Variants in ACADM observed in about 807,000 individuals in gnomAD.
The protein encoded by ACADM is acyl-CoA dehydrogenase medium chain, also known as medium-chain specific acyl-CoA dehydrogenase, mitochondrial.
ACADM carries 49 observed loss-of-function variants against 58.9 expected under a neutral mutation model. The observed-to-expected ratio is 0.83, with a 90% CI of 0.66 to 1.06. The LOEUF (loss-of-function observed/expected upper bound fraction) is 1.06, where lower values mean the gene tolerates loss of function less well. Among genes scored for constraint, ACADM ranks in the 50% least tolerant of loss-of-function variants. The pLI is 0.00. For missense variants in ACADM, 496 were observed against 507.0 expected, an observed-to-expected ratio of 0.98 and a Z score of 0.21; for synonymous variants, 160 against 157.7, an observed-to-expected ratio of 1.01 and a Z score of -0.11.
intron 10 of ACADM, among the ~76,000 whole-genome samples, chr1:75,758,626 CTCTG>C (rs35292350): frequency 0.22 from 33,775 of 151,974 alleles, 5,130 homozygotes; most frequent in East Asian, 0.68. Flanking sequence ...AATCAGCACT[CTCTG>C]TCTAGCTAAA....
intron 3 of ACADM, 56 bp downstream of exon 3, chr1:75,732,797 G>C: frequency 1.9e-6 from 3 of 1,603,976 alleles, no homozygotes; most frequent in Non-Finnish European, 2.6e-6. Flanking sequence ...ACAAGATTAT[G>C]TAATCAAACT....
intron 2 of ACADM, among the ~76,000 whole-genome samples, chr1:75,730,258 T>C (rs1282068592): frequency 1.3e-5 from 2 of 152,172 alleles, no homozygotes; most frequent in African/African-American, 4.8e-5. Flanking sequence ...TTTAAATTTC[T>C]CTCTCAGTAG....
At chr1:75,737,278 A>AC (rs1557448231) in intron 6 of ACADM, among the ~76,000 whole-genome samples, 1 of 78,904 alleles carries the variant, frequency 1.3e-5, no homozygotes, top group Non-Finnish European at 2.2e-5. Flanking sequence ...ACACACACAC[A>AC]AATATATATA....
chr1:75,737,279 AAT>A (rs368688785), intron 6 of ACADM, among the ~76,000 whole-genome samples: 4,628 of 41,716 alleles, frequency 0.11, 245 homozygotes, highest in Non-Finnish European at 0.13. Context: ...CACACACACA[AAT>A]ATATATATAT....
Position 75,740,156 on chromosome 1 carries a change from A to G in ACADM, c.599+46A>G, listed in dbSNP as rs1439716562. ...TTGTATATTTTTTCTTAATTGTTTT[A>G]TCTTCAAATCTCTCTTTCTTTCTGT... On this transcript the variant is annotated intron_variant, in intron 7 of 11. Coordinates refer to ENST00000370841, the MANE Select transcript of ACADM (RefSeq NM_000016.6). 3 of 1,536,704 alleles carry G rather than the reference A, an allele frequency of 2.0e-6. No individual in the cohort carries two copies. The East Asian group carries it at 6.9e-5, about 36-fold the overall frequency.
Position 75,724,735 on chromosome 1 carries a change from G to T in ACADM, c.-53G>T. 3 of 1,543,312 alleles carry T rather than the reference G, an allele frequency of 1.9e-6. No individual in the cohort carries two copies. Among genetic ancestry groups the T allele is most frequent in the Non-Finnish European group, 2.6e-6 (3 of 1,145,244 alleles). ...GAGGAGTCCCGCGTTCGGGGAGTAT[G>T]TCAAGGCCGTGACCCGTGTATTATT... is the stretch of plus-strand genomic sequence containing the variant. On this transcript the variant is annotated 5_prime_UTR_variant, in exon 1 of 12. It removes an upstream start codon present in the reference 5' UTR. Coordinates refer to ENST00000370841, the MANE Select transcript of ACADM (RefSeq NM_000016.6).
Position 75,753,126 on chromosome 1 carries a change from C to T in ACADM, c.945+2580C>T, listed in dbSNP as rs575849574. 2.1e-3 allele frequency among the ~76,000 whole-genome samples: 313 copies of T among 152,220 alleles called. 2 individuals are homozygous for T. Among genetic ancestry groups the T allele is most frequent in the African/African-American group, 7.0e-3 (292 of 41,534 alleles). On this transcript the variant is annotated intron_variant, in intron 10 of 11. Transcript: ENST00000370841. ...TTTTTCTTGTTCTTTTTTTAACCCTCCTGGGCAAGAGATCAGCTTCTTTGT... is the reference window on the plus strand; with the variant it reads ...TTTTTCTTGTTCTTTTTTTAACCCTTCTGGGCAAGAGATCAGCTTCTTTGT...
chr1:75,760,429 AAAAAAG>A (rs1297143796), intron 10 of ACADM, among the ~76,000 whole-genome samples: 2 of 148,306 alleles, frequency 1.3e-5, no homozygotes, highest in Admixed American at 6.7e-5. Flanking sequence ...CTCAGAAAAA[AAAAAAG>A]AAAAGTCCCA....
chr1:75,736,270 A>C (rs542141986), intron 6 of ACADM, among the ~76,000 whole-genome samples: 1 of 152,150 alleles, frequency 6.6e-6, no homozygotes, highest in East Asian at 1.9e-4. Flanking sequence ...ACATATTTCA[A>C]TCTAAGGTGT....
intron 10 of ACADM, among the ~76,000 whole-genome samples, chr1:75,752,828 G>A (rs1189627140): frequency 6.6e-6 from 1 of 151,816 alleles, no homozygotes; most frequent in East Asian, 1.9e-4. Flanking sequence ...TTTTTTATTT[G>A]TAAACAACTT....
rs547947338 is a variant in ACADM, at chr1:75,735,451, C to T, written c.468+580C>T. Reference sequence around the variant, plus strand: ...TCCTCTTACTTCAGGAGAGAGAGCTCTATTTAGTGGAGCATTCTACACTTT... The same window carrying T: ...TCCTCTTACTTCAGGAGAGAGAGCTTTATTTAGTGGAGCATTCTACACTTT... On this transcript the variant is annotated intron_variant, in intron 6 of 11. Coordinates refer to ENST00000370841, the MANE Select transcript of ACADM (RefSeq NM_000016.6). Among the ~76,000 whole-genome samples, 10 of 151,990 alleles carry T rather than the reference C, an allele frequency of 6.6e-5. No individual in the cohort carries two copies. In the South Asian group the frequency reaches 1.2e-3, roughly 19 times the overall value.
intron 7 of ACADM, chr1:75,743,275 G>T: frequency 1.2e-6 from 1 of 841,822 alleles, no homozygotes; most frequent in Non-Finnish European, 1.8e-6. Flanking sequence ...AGCTGTGACT[G>T]CTGGTTACAT....
intron 1 of ACADM, 155 bp from the exon 2 acceptor site, chr1:75,728,246 T>C: frequency 3.6e-6 from 2 of 562,572 alleles, no homozygotes; most frequent in Non-Finnish European, 6.3e-6. Context: ...AATTGGCTTA[T>C]TTAAATTATG....
intron 11 of ACADM, among the ~76,000 whole-genome samples, chr1:75,762,159 G>A (rs1315520350): frequency 6.6e-6 from 1 of 152,138 alleles, no homozygotes; most frequent in Non-Finnish European, 1.5e-5. Flanking sequence ...ATCATCAACA[G>A]TTTAGCTTTT....
chr1:75,733,423 T>G (rs1223488178), intron 4 of ACADM, 105 bp from the exon 5 acceptor site: 15 of 1,214,086 alleles, frequency 1.2e-5, no homozygotes, highest in Non-Finnish European at 1.8e-5. Context: ...AAATTTCCTT[T>G]TAAAACAAAT....
intron 10 of ACADM, among the ~76,000 whole-genome samples, chr1:75,754,692 A>G (rs1694420): frequency 0.92 from 140,699 of 152,166 alleles, 65,267 homozygotes; most frequent in African/African-American, 0.97. Context: ...AGGTCCCAGC[A>G]TGAGTGACAC....
chr1:75,724,957 A>G (rs910859843), intron 1 of ACADM, 140 bp downstream of exon 1: 3 of 691,490 alleles, frequency 4.3e-6, no homozygotes, highest in African/African-American at 1.8e-5. Flanking sequence ...GGGGCCCCCA[A>G]CCTGCTTTCA....
At chr1:75,742,159 C>G (rs542341110) in intron 7 of ACADM, among the ~76,000 whole-genome samples, 59 of 151,302 alleles carry the variant, frequency 3.9e-4, no homozygotes, top group Admixed American at 3.6e-3. Flanking sequence ...CCCCCCTCCC[C>G]ACCCCCAGGC....
chr1:75,750,973 TG>T, intron 10 of ACADM: 1 of 263,640 alleles, frequency 3.8e-6, no homozygotes, highest in South Asian at 4.4e-5. Flanking sequence ...GGTCTCGATC[TG>T]CCCGCCTCAG....
Sources: gnomAD v4.1 joint callset for allele counts (sites outside exome capture counted in the v4.1 genomes callset) on GRCh38, gnomAD v4.1.1 for gene constraint, MANE v1.5 for transcripts, NCBI Gene and HGNC (gene_info 2026-07-23, HGNC 2026-07-21) for gene names.